FRMD4B: variants seen among roughly 807,000 people sequenced by gnomAD.
FRMD4B encodes the protein FERM domain-containing protein 4B.
A neutral mutation model predicts 141.5 loss-of-function variants in FRMD4B; 74 were observed. The observed-to-expected ratio is 0.52, with a 90% CI of 0.43 to 0.63. The LOEUF (loss-of-function observed/expected upper bound fraction) is 0.63, where lower values mean the gene tolerates loss of function less well. FRMD4B is among the 30% of genes least tolerant of loss of function. The probability of loss-of-function intolerance (pLI) is 0.00; values close to 1 mark genes in which losing one functional copy is unlikely to be tolerated. For missense variants in FRMD4B, 1,366 were observed against 1,253.4 expected (o/e 1.09, Z -1.36); for synonymous variants, 506 against 467.9 (o/e 1.08, Z -1.05).
chr3:69,182,932 T>C (rs2092724440), intron 19 of FRMD4B, among the ~76,000 whole-genome samples: 1 of 151,838 alleles, frequency 6.6e-6, no homozygotes, highest in South Asian at 2.1e-4. Flanking sequence ...CACAAATATG[T>C]AGGGAAAAAA....
At chr3:69,215,711 CATT>C (rs2093133843) in intron 11 of FRMD4B, among the ~76,000 whole-genome samples, 3 of 152,290 alleles carry the variant, frequency 2.0e-5, no homozygotes, top group South Asian at 4.1e-4. Context: ...ATACCTGCAT[CATT>C]GAGAGATCAC....
At position 69,324,822 on chromosome 3, in the gene FRMD4B, G is replaced by A. The variant is rs1702125752; in HGVS notation, c.163-11305C>T. Among the ~76,000 whole-genome samples the A allele has an allele frequency of 3.3e-5, 5 of 151,868 alleles. No individual in the cohort carries two copies. The South Asian group carries it at 1.0e-3, about 32-fold the overall frequency. Reference sequence around the variant, plus strand: ...AAATTGATGGAGAAGGCCGGATGTGGTGGTTCCCTCCTGTAACCCTAATGT... The same window carrying A: ...AAATTGATGGAGAAGGCCGGATGTGATGGTTCCCTCCTGTAACCCTAATGT... On this transcript the variant is annotated intron_variant, in intron 1 of 22. Coordinates refer to ENST00000398540, the MANE Select transcript of FRMD4B (RefSeq NM_015123.3).
At chr3:69,219,663 G>T (rs938288523) in intron 9 of FRMD4B, among the ~76,000 whole-genome samples, 6 of 151,910 alleles carry the variant, frequency 3.9e-5, no homozygotes, top group African/African-American at 1.5e-4. Flanking sequence ...AGGATGTGCA[G>T]GTTTGTTACA....
intron 1 of FRMD4B, among the ~76,000 whole-genome samples, chr3:69,461,389 C>T (rs1387070154): frequency 7.3e-6 from 1 of 136,884 alleles, no homozygotes; most frequent in African/African-American, 2.8e-5. Context: ...TGAGACCCCC[C>T]CCATCTCTAA....
At chr3:69,300,814 C>G (rs561561116) in intron 4 of FRMD4B, among the ~76,000 whole-genome samples, 1 of 152,356 alleles carries the variant, frequency 6.6e-6, no homozygotes, top group South Asian at 2.1e-4. Flanking sequence ...TCTTGGCTCA[C>G]TGCAGCCTCC....
rs1304039153 is a variant in FRMD4B at position 69,343,573 on chromosome 3, TTTTG to T, written c.163-30060_163-30057del. ...TTACAGCCATTTTGTCTTAACAGTT[TTTTG>T]TTTTTTTTTTTTTTTTTTTTTAGAC... On this transcript the variant is annotated intron_variant, in intron 1 of 22. Coordinates refer to ENST00000398540, the MANE Select transcript of FRMD4B (RefSeq NM_015123.3). 6.0e-4 allele frequency among the ~76,000 whole-genome samples: 43 copies of T among 72,146 alleles called. No homozygotes were observed. The South Asian group carries it at 0.016, about 27-fold the overall frequency. 47.3% of individuals were successfully genotyped at this position (72,146 alleles called of 152,430 possible).
chr3:69,498,439 T>TGA (rs567977140), intron 1 of FRMD4B, among the ~76,000 whole-genome samples: 11 of 151,230 alleles, frequency 7.3e-5, no homozygotes, highest in East Asian at 3.9e-4. Context: ...TGTGTGTGCA[T>TGA]GAGAGAGAGA....
In FRMD4B at chr3:69,181,056, G is replaced by A; in HGVS notation, c.2694C>T (p.His898=). 5.0e-6 allele frequency: 8 copies of A among 1,614,032 alleles called. No homozygotes were observed. The highest frequency in any genetic ancestry group is 5.9e-6 in the Non-Finnish European group (7 of 1,179,894). Reference sequence around the variant, plus strand: ...AGGCCCGCTGGTACCAGCCACGCAAGTGCTCGGCAACTAAGGCCTTGTGGA... The same window carrying A: ...AGGCCCGCTGGTACCAGCCACGCAAATGCTCGGCAACTAAGGCCTTGTGGA... The part of the protein sequence containing the change: ...KNIHKALVAE[H]LRGWYQRASG... The change falls in exon 21 of 23, where the codon CAC becomes CAT. Residue 898 remains histidine (H), a synonymous_variant. Coordinates refer to ENST00000398540, the MANE Select transcript of FRMD4B (RefSeq NM_015123.3).
At chr3:69,314,772 T>C (rs2107246921) in intron 1 of FRMD4B, among the ~76,000 whole-genome samples, 1 of 152,194 alleles carries the variant, frequency 6.6e-6, no homozygotes, top group South Asian at 2.1e-4. Flanking sequence ...GAGGTTGAGG[T>C]TGCAGTAAGC....
intron 7 of FRMD4B, among the ~76,000 whole-genome samples, chr3:69,246,426 G>A (rs957708171): frequency 2.0e-5 from 3 of 152,178 alleles, no homozygotes; most frequent in African/African-American, 7.2e-5. Context: ...CTGCACACCA[G>A]CCTGGGTGAG....
At position 69,505,478 on chromosome 3, in the gene FRMD4B, C is replaced by T. The variant is rs542776663; in HGVS notation, c.-129+36728G>A. Among the ~76,000 whole-genome samples the T allele has an allele frequency of 6.4e-4, 97 of 152,294 alleles. 1 individual carries two copies. Among genetic ancestry groups the T allele is most frequent in the African/African-American group, 2.2e-3 (93 of 41,568 alleles). ...CAACTGGAAGCCCCCTTAAGTGTGA[C>T]ATTAATGAAAGTCAGCTTGTAAGAC... On this transcript the variant is annotated intron_variant, in intron 1 of 5. Transcript: ENST00000459638.
intron 11 of FRMD4B, among the ~76,000 whole-genome samples, chr3:69,213,608 GC>G (rs1334791769): frequency 6.6e-6 from 1 of 150,874 alleles, no homozygotes; most frequent in Non-Finnish European, 1.5e-5. Flanking sequence ...TTACAAACAT[GC>G]TCTCTCATTG....
At position 69,313,482 on chromosome 3, in the gene FRMD4B, C is replaced by A; in HGVS notation, c.198G>T (p.Leu66=). 6.4e-7 allele frequency: 1 copy of A among 1,573,038 alleles called. No individual in the cohort carries two copies. Among genetic ancestry groups the A allele is most frequent in the Non-Finnish European group, 8.6e-7 (1 of 1,158,428 alleles). Residue 66 remains leucine (L), a synonymous_variant, in exon 2 of 23, where the codon CTG becomes CTT. Coordinates refer to ENST00000398540, the MANE Select transcript of FRMD4B (RefSeq NM_015123.3). ...CCAGCAGCTCCAGTCTCCTATCATC[C>A]AGGAGGTGCACCTGGCAGTGCCTGC... is the stretch of plus-strand genomic sequence containing the variant. The part of the protein sequence containing the change: ...TEGRHCQVHL[L]DDRRLELLVQ...
At chr3:69,415,593 A>T (rs1177621187) in intron 2 of FRMD4B, among the ~76,000 whole-genome samples, 2 of 152,188 alleles carry the variant, frequency 1.3e-5, no homozygotes, top group Non-Finnish European at 2.9e-5. Flanking sequence ...TTCAACTCTC[A>T]GCTAAAGAGT....
chr3:69,459,037 T>C (rs1377274874), intron 1 of FRMD4B, among the ~76,000 whole-genome samples: 1 of 152,178 alleles, frequency 6.6e-6, no homozygotes, highest in Non-Finnish European at 1.5e-5. Flanking sequence ...CCTGAGACTC[T>C]GAGTCTGCTT....
chr3:69,232,454 A>G (rs1265481251), intron 7 of FRMD4B, among the ~76,000 whole-genome samples: 3 of 152,202 alleles, frequency 2.0e-5, no homozygotes, highest in African/African-American at 7.2e-5. Flanking sequence ...GAAGCTGCCC[A>G]TGACCCACTA....
At chr3:69,237,685 C>T (rs1233975773) in intron 7 of FRMD4B, among the ~76,000 whole-genome samples, 3 of 152,208 alleles carry the variant, frequency 2.0e-5, no homozygotes, top group African/African-American at 7.2e-5. Flanking sequence ...TCAGACCTCT[C>T]AGCTTCTCTT....
In FRMD4B at chr3:69,313,506, G is replaced by A; in HGVS notation, c.174C>T (p.Gly58=). The change falls in exon 2 of 23, where the codon GGC becomes GGT. Residue 58 remains glycine, a synonymous_variant. Transcript: ENST00000398540. ...CCAGGAGGTGCACCTGGCAGTGCCT[G>A]CCTTCTGTCATCTGCAGGAACAAGA... ...GLQDVYQMTE[G]RHCQVHLLDD... The A allele has an allele frequency of 6.4e-7, 1 of 1,568,570 alleles. No individual in the cohort carries two copies. The highest frequency in any genetic ancestry group is 1.2e-5 in the South Asian group (1 of 85,140).
chr3:69,189,833 A>C (rs2092816809), intron 18 of FRMD4B, 63 bp downstream of exon 18: 2 of 1,015,018 alleles, frequency 2.0e-6, no homozygotes, highest in Non-Finnish European at 3.1e-6. Flanking sequence ...TTAACTAAGA[A>C]AATTATCTTA....
Sources: allele counts gnomAD v4.1 joint callset (sites outside exome capture counted in the v4.1 genomes callset), GRCh38; gene constraint gnomAD v4.1.1; transcripts MANE v1.5; gene names NCBI Gene and HGNC (gene_info 2026-07-23, HGNC 2026-07-21).